Variants in NUDT3 observed in about 807,000 individuals in gnomAD.
NUDT3 encodes the protein nudix hydrolase 3.
In NUDT3, 9 loss-of-function variants were observed where a neutral mutation model predicts 23.6. That is an observed-to-expected ratio of 0.38 (90% confidence interval 0.23 to 0.66). NUDT3 has a LOEUF of 0.66. NUDT3 is among the 30% of genes least tolerant of loss of function. NUDT3 has a pLI of 0.52. For missense variants in NUDT3, 172 were observed against 218.5 expected (o/e 0.79, Z 1.34); for synonymous variants, 86 against 82.6 (o/e 1.04, Z -0.22).
At chr6:34,292,001 C>T (rs1204046840) in intron 4 of NUDT3, among the ~76,000 whole-genome samples, 4 of 152,148 alleles carry the variant, frequency 2.6e-5, no homozygotes, top group African/African-American at 9.7e-5. Context: ...AGGGTCAATT[C>T]TCAGAAGTGG....
chr6:34,392,554 C>T lies in NUDT3; in HGVS notation c.-192G>A, dbSNP rs915764390. On this transcript the variant is annotated 5_prime_UTR_variant, in exon 1 of 5. Coordinates refer to ENST00000607016, the MANE Select transcript of NUDT3 (RefSeq NM_006703.4). ...TCCCCCAGGCCCAGGTCCCGCGCCG[C>T]CGCTGCCACCGTCACGGCTGCCGTC... is the stretch of plus-strand genomic sequence containing the variant. 5.5e-5 allele frequency: 21 copies of T among 381,194 alleles called. No individual in the cohort carries two copies. Among genetic ancestry groups the T allele is most frequent in the African/African-American group, 3.8e-4 (18 of 47,044 alleles). The allele number at this position is 381,194 out of a possible 1,614,324, so 23.6% of individuals were successfully genotyped here. A position where few individuals can be genotyped will look rare whatever the true frequency, so the allele number is the denominator to read the frequency against.
At chr6:34,328,611 T>C (rs566580047) in intron 2 of NUDT3, among the ~76,000 whole-genome samples, 2 of 152,256 alleles carry the variant, frequency 1.3e-5, no homozygotes, top group Admixed American at 1.3e-4. Context: ...GCAGCCTTGA[T>C]GCTAGGCTCA....
intron 1 of NUDT3, among the ~76,000 whole-genome samples, chr6:34,392,043 G>A (rs1765211887): frequency 6.6e-6 from 1 of 152,132 alleles, no homozygotes; most frequent in Non-Finnish European, 1.5e-5. Flanking sequence ...TACCCCCTCC[G>A]CCCGGCGCGC....
rs1165092644 is a variant in NUDT3 at position 34,297,759 on chromosome 6, A to T, written c.211-2074T>A. Among the ~76,000 whole-genome samples the T allele has an allele frequency of 2.4e-3, 169 of 71,094 alleles. 3 individuals are homozygous for T. Among genetic ancestry groups the T allele is most frequent in the Middle Eastern group, 9.8e-3 (1 of 102 alleles). The allele number at this position is 71,094 out of a possible 152,430, so 46.6% of individuals were successfully genotyped here. A position where few individuals can be genotyped will look rare whatever the true frequency, so the allele number is the denominator to read the frequency against. ...TATATATATATATATATATATATAT[A>T]ATTTTTTTTTTTTTTTTAGTAGAGA... On this transcript the variant is annotated intron_variant, in intron 2 of 4. Coordinates refer to ENST00000607016, the MANE Select transcript of NUDT3 (RefSeq NM_006703.4).
At chr6:34,378,449 G>A (rs772085115) in intron 1 of NUDT3, among the ~76,000 whole-genome samples, 5 of 152,220 alleles carry the variant, frequency 3.3e-5, no homozygotes, top group Non-Finnish European at 5.9e-5. Context: ...AACTACCAAA[G>A]TGATATATTA....
intron 4 of NUDT3, among the ~76,000 whole-genome samples, chr6:34,291,039 A>C (rs1763414283): frequency 1.3e-5 from 2 of 151,904 alleles, no homozygotes; most frequent in Admixed American, 6.6e-5. Context: ...AGCTCACTGC[A>C]ATCTCCGCCT....
In NUDT3 at chr6:34,281,179, A is replaced by T. The variant is rs1264973164; in HGVS notation, c.*7574T>A. The T allele has an allele frequency of 6.6e-6, 1 of 151,914 alleles. No individual in the cohort carries two copies. Among genetic ancestry groups the T allele is most frequent in the Non-Finnish European group, 1.5e-5 (1 of 67,974 alleles). 9.4% of individuals were successfully genotyped at this position (151,914 alleles called of 1,614,324 possible). The stretch of plus-strand genomic sequence containing the variant: ...GGAGGTAATCGTGAGAAAACTTAAA[A>T]ACCCTTAAGCTGTTTGGAGACTACA... On this transcript the variant is annotated 3_prime_UTR_variant, in exon 5 of 5. Transcript: ENST00000607016.
intron 4 of NUDT3, among the ~76,000 whole-genome samples, chr6:34,290,977 T>G (rs549207848): frequency 1.1e-4 from 17 of 151,698 alleles, no homozygotes; most frequent in Admixed American, 1.3e-4. Flanking sequence ...GTTTATTTAT[T>G]GAGACGGAGG....
At chr6:34,378,283 A>G (rs1156288769) in intron 1 of NUDT3, among the ~76,000 whole-genome samples, 1 of 152,080 alleles carries the variant, frequency 6.6e-6, no homozygotes, top group Non-Finnish European at 1.5e-5. Flanking sequence ...AGCCTGGGAG[A>G]CAGAGCAAGA....
At chr6:34,320,804 C>T (rs1285122015) in intron 2 of NUDT3, among the ~76,000 whole-genome samples, 2 of 151,994 alleles carry the variant, frequency 1.3e-5, no homozygotes, top group South Asian at 2.1e-4. Flanking sequence ...CCACTCCATT[C>T]GAGCTTGGAC....
intron 1 of NUDT3, among the ~76,000 whole-genome samples, chr6:34,347,635 A>G (rs1172633616): frequency 3.3e-5 from 5 of 152,342 alleles, no homozygotes; most frequent in African/African-American, 1.2e-4. Context: ...AGGGAGAAAT[A>G]CAGCAGGAAC....
At chr6:34,354,936 T>G (rs1764540276) in intron 1 of NUDT3, among the ~76,000 whole-genome samples, 1 of 151,702 alleles carries the variant, frequency 6.6e-6, no homozygotes, top group African/African-American at 2.4e-5. Flanking sequence ...GTGGATTCCT[T>G]AGGATTTTCT....
chr6:34,304,238 T>G (rs1763641516), intron 2 of NUDT3, among the ~76,000 whole-genome samples: 3 of 127,862 alleles, frequency 2.3e-5, no homozygotes, highest in African/African-American at 6.1e-5. Context: ...GTGACAAGAG[T>G]GAAACTCTGT....
At chr6:34,349,849 G>C (rs1764439528) in intron 1 of NUDT3, among the ~76,000 whole-genome samples, 1 of 150,714 alleles carries the variant, frequency 6.6e-6, no homozygotes, top group African/African-American at 2.5e-5. Flanking sequence ...CCAGCACTTT[G>C]GGAGGCTGAG....
chr6:34,354,584 G>A (rs1326004103), intron 1 of NUDT3, among the ~76,000 whole-genome samples: 1 of 151,616 alleles, frequency 6.6e-6, no homozygotes. Flanking sequence ...TTAGCCAGGC[G>A]TGGTGGCAGG....
At chr6:34,318,770 C>T (rs917551267) in intron 2 of NUDT3, among the ~76,000 whole-genome samples, 3 of 151,956 alleles carry the variant, frequency 2.0e-5, no homozygotes, top group African/African-American at 7.3e-5. Context: ...GCTATGTTGC[C>T]TAGGCTGGCC....
intron 2 of NUDT3, among the ~76,000 whole-genome samples, chr6:34,340,312 T>C (rs1034307424): frequency 5.3e-5 from 8 of 152,208 alleles, no homozygotes; most frequent in African/African-American, 1.9e-4. Context: ...GGCATAATAT[T>C]ATTTTCAGCT....
intron 1 of NUDT3, among the ~76,000 whole-genome samples, chr6:34,379,384 AC>A (rs1372425844): frequency 6.6e-6 from 1 of 151,702 alleles, no homozygotes; most frequent in Non-Finnish European, 1.5e-5. Flanking sequence ...ACATGGCGAA[AC>A]CCCATCTCCA....
At chr6:34,345,708 T>A (rs546861067) in intron 1 of NUDT3, among the ~76,000 whole-genome samples, 20 of 151,112 alleles carry the variant, frequency 1.3e-4, no homozygotes, top group African/African-American at 4.9e-4. Context: ...CTACTACTTT[T>A]TTCCCCCAGA....
Sources: gnomAD v4.1 joint callset for allele counts (sites outside exome capture counted in the v4.1 genomes callset) on GRCh38, gnomAD v4.1.1 for gene constraint, MANE v1.5 for transcripts, NCBI Gene and HGNC (gene_info 2026-07-23, HGNC 2026-07-21) for gene names.